The following SLC6A12 variants were observed in gnomAD, a reference collection of about 807,000 sequenced individuals.
SLC6A12 encodes solute carrier family 6 member 12.
Under a neutral mutation model 73.3 loss-of-function variants are expected in SLC6A12, and 50 were observed. The ratio of observed to expected loss-of-function variants is 0.68; its 90% CI spans 0.54 to 0.86. The LOEUF (loss-of-function observed/expected upper bound fraction) is 0.86, where lower values mean the gene tolerates loss of function less well. Ranked by LOEUF, SLC6A12 falls within the 40% of genes least tolerant of loss-of-function variation. The pLI is 0.00. For missense variants in SLC6A12, 648 were observed against 772.8 expected, an observed-to-expected ratio of 0.84 and a Z score of 1.92; for synonymous variants, 304 against 309.2, an observed-to-expected ratio of 0.98 and a Z score of 0.18.
chr12:208,501 T>C (rs1373301012), intron 3 of SLC6A12, among the ~76,000 whole-genome samples: 2 of 152,238 alleles, frequency 1.3e-5, no homozygotes, highest in African/African-American at 4.8e-5. Context: ...TCTACCTTCC[T>C]GAAATGTTTC....
At position 198,931 on chromosome 12, in the gene SLC6A12, C is replaced by T. The variant is rs1490602836; in HGVS notation, c.712G>A (p.Val238Met). ...GGAAACGTGGCTGTGAAATAAACCA[C>T]CTGGAGGTGGGGGGACAGGCCAAGG... ...IWKGVKSTGKVVYFTATFPYL... is the reference protein window; with the variant it reads ...IWKGVKSTGKMVYFTATFPYL... The change falls in exon 8 of 16, where the codon GTG (valine) becomes ATG (methionine). Residue 238 changes from valine to methionine, a missense_variant and splice_region_variant. Coordinates refer to ENST00000684302, the MANE Select transcript of SLC6A12 (RefSeq NM_001122848.3). This position sits in a 1 kb window ranked among gnomAD's most constrained non-coding sequence, Gnocchi z 4.0. The T allele has an allele frequency of 6.2e-7, 1 of 1,614,096 alleles. No individual in the cohort carries two copies.
downstream of SLC6A12, among the ~76,000 whole-genome samples, chr12:185,748 T>C (rs1195688739): frequency 1.3e-5 from 2 of 152,188 alleles, no homozygotes; most frequent in African/African-American, 4.8e-5. Context: ...CATCTGCCCC[T>C]GCTGTGGCCA....
downstream of SLC6A12, among the ~76,000 whole-genome samples, chr12:187,392 G>A (rs550512799): frequency 1.1e-4 from 16 of 151,922 alleles, no homozygotes; most frequent in East Asian, 7.7e-4. Flanking sequence ...CACCAGCTCC[G>A]GAGTGAAACT....
rs1294465841 is a variant in SLC6A12 at position 198,594 on chromosome 12, G to GA, written c.846+202dup. On this transcript the variant is annotated intron_variant, in intron 8 of 15. Coordinates refer to ENST00000684302, the MANE Select transcript of SLC6A12 (RefSeq NM_001122848.3). This position sits in a 1 kb window ranked among gnomAD's most constrained non-coding sequence, Gnocchi z 4.0. The stretch of plus-strand genomic sequence containing the variant: ...AAGTAAGAGAAAAAAAATTTTTTAA[G>GA]AAAAAAAGTTATATTTGAGTGGTGG... 1 of 536,326 alleles carries GA rather than the reference G, an allele frequency of 1.9e-6. No individual in the cohort carries two copies. Among genetic ancestry groups the GA allele is most frequent in the Non-Finnish European group, 3.1e-6 (1 of 318,640 alleles). 33.2% of individuals were successfully genotyped at this position (536,326 alleles called of 1,614,324 possible).
chr12:204,766 C>T (rs112688140), intron 3 of SLC6A12, 68 bp from the exon 4 acceptor site: 3 of 1,569,668 alleles, frequency 1.9e-6, no homozygotes, highest in Non-Finnish European at 1.7e-6. Flanking sequence ...CCTTTCAGAC[C>T]CTCCTCCCCC....
At position 201,839 on chromosome 12, in the gene SLC6A12, C is replaced by T. The variant is rs147159560; in HGVS notation, c.501G>A (p.Thr167=). ...CNNFWNTEHC[T]DFLNHSGAGT... is the part of the protein sequence containing the mutation. ...CGGCTCCTGAGTGGTTCAGAAAGTC[C>T]GTGCAATGCTCTGTTGGGGACAAGG... Residue 167 remains threonine (T), a synonymous_variant, in exon 6 of 16, where the codon ACG becomes ACA. Coordinates refer to ENST00000684302, the MANE Select transcript of SLC6A12 (RefSeq NM_001122848.3). 7.6e-5 allele frequency: 122 copies of T among 1,613,714 alleles called. No individual in the cohort carries two copies. Among genetic ancestry groups the T allele is most frequent in the Non-Finnish European group, 9.6e-5 (113 of 1,179,788 alleles).
intron 15 of SLC6A12, among the ~76,000 whole-genome samples, chr12:191,804 G>A (rs555036596): frequency 2.0e-5 from 3 of 152,304 alleles, no homozygotes; most frequent in South Asian, 2.1e-4. Flanking sequence ...GGATGGAAGT[G>A]TAGAAATGCA....
chr12:187,589 C>CAAAAGAGCAAAAGAGCAAA (rs1939453849), downstream of SLC6A12, among the ~76,000 whole-genome samples: 1 of 106,074 alleles, frequency 9.4e-6, no homozygotes, highest in African/African-American at 5.3e-5. Context: ...TGCAAAAGAG[C>CAAAAGAGCAAAAGAGCAAA]AAAAAAAAAA....
Position 201,781 on chromosome 12 carries a change from G to A in SLC6A12, c.559C>T (p.Pro187Ser). 2 of 1,613,934 alleles carry A rather than the reference G, an allele frequency of 1.2e-6. No homozygotes were observed. Among genetic ancestry groups the A allele is most frequent in the Admixed American group, 3.3e-5 (2 of 60,020 alleles). ...ACCTACTCCCAGAATTCCATGACAG[G>A]TGAGGTAAAATTCTCAAATGGGGTC... ...TVTPFENFTSPVMEFWERRVL... is the reference protein window; with the variant it reads ...TVTPFENFTSSVMEFWERRVL... The change falls in exon 6 of 16, where the codon CCT becomes TCT. Residue 187 changes from proline to serine, a missense_variant. By Grantham distance (74) the Pro-to-Ser change is moderately conservative (BLOSUM62 -1). Coordinates refer to ENST00000684302, the MANE Select transcript of SLC6A12 (RefSeq NM_001122848.3).
chr12:196,165 C>T lies in SLC6A12; in HGVS notation c.1285G>A (p.Ala429Thr), dbSNP rs775785715. 51 of 1,573,664 alleles carry T rather than the reference C, an allele frequency of 3.2e-5. No homozygotes were observed. The highest frequency in any genetic ancestry group is 3.5e-4 in the Middle Eastern group (2 of 5,732). Reference protein sequence around the residue: ...GRRELLILTIAVMCYLIGLFL... With the variant: ...GRRELLILTITVMCYLIGLFL... The stretch of plus-strand genomic sequence containing the variant: ...AGCCCTATCAGGTAGCACATGACGG[C>T]GATGGTGAGGATGAGGAGCTCGCGC... The change falls in exon 12 of 16, where the codon GCC becomes ACC. Residue 429 changes from alanine (A) to threonine (T), a missense_variant. Transcript: ENST00000684302.
chr12:208,420 G>A (rs1940756494), intron 3 of SLC6A12, among the ~76,000 whole-genome samples: 1 of 152,074 alleles, frequency 6.6e-6, no homozygotes, highest in Admixed American at 6.5e-5. Flanking sequence ...CGTAAATATT[G>A]GTCAGATTTA....
At chr12:195,367 A>G in intron 12 of SLC6A12, 40 bp from the exon 13 acceptor site, 1 of 1,304,216 alleles carries the variant, frequency 7.7e-7, no homozygotes, top group Non-Finnish European at 1.1e-6. Context: ...GCCAGTGCAG[A>G]GCTGGGACAC....
chr12:197,124 T>TCTAC (rs1591785724), intron 10 of SLC6A12, among the ~76,000 whole-genome samples: 1 of 90,080 alleles, frequency 1.1e-5, no homozygotes, highest in Non-Finnish European at 2.4e-5. Context: ...CATCCATCCA[T>TCTAC]CCATCCATCC....
intron 7 of SLC6A12, 142 bp from the exon 8 acceptor site, chr12:199,073 C>T: frequency 1.4e-6 from 1 of 707,130 alleles, no homozygotes; most frequent in Non-Finnish European, 2.4e-6. Context: ...AAGAAAGTTT[C>T]CACACCTCCC....
intron 7 of SLC6A12, among the ~76,000 whole-genome samples, 173 bp downstream of exon 7, chr12:200,478 G>A (rs1940195462): frequency 6.6e-6 from 1 of 152,198 alleles, no homozygotes; most frequent in Admixed American, 6.5e-5. Flanking sequence ...CTTGCATCGA[G>A]CTAAGCTCCG....
At chr12:205,914 A>G (rs975840791) in intron 3 of SLC6A12, among the ~76,000 whole-genome samples, 5 of 152,204 alleles carry the variant, frequency 3.3e-5, no homozygotes, top group Non-Finnish European at 4.4e-5. Context: ...TCAGTATGTT[A>G]TCATTGGACT....
chr12:204,921 C>A, intron 3 of SLC6A12: 2 of 498,916 alleles, frequency 4.0e-6, no homozygotes, highest in Non-Finnish European at 7.1e-6. Context: ...TGAGAAAGGC[C>A]TTGGAAGGGA....
In SLC6A12 at chr12:190,502, G is replaced by A. The variant is rs542489966; in HGVS notation, c.*566C>T. The A allele has an allele frequency of 6.6e-6, 1 of 152,328 alleles. No individual in the cohort carries two copies. The highest frequency in any genetic ancestry group is 2.4e-5 in the African/African-American group (1 of 41,548). The allele number at this position is 152,328 out of a possible 1,614,324, so 9.4% of individuals were successfully genotyped here. ...ACAGTGCGGAACTAGGGCAGGAGCT[G>A]GAGATGCCATGAGAGACTCGGAGGA... On this transcript the variant is annotated 3_prime_UTR_variant, in exon 16 of 16. Coordinates refer to ENST00000684302, the MANE Select transcript of SLC6A12 (RefSeq NM_001122848.3).
intron 14 of SLC6A12, 130 bp from the exon 15 acceptor site, chr12:192,778 G>T: frequency 2.4e-6 from 2 of 826,528 alleles, no homozygotes; most frequent in Non-Finnish European, 3.9e-6. Context: ...AAGAGTAAAA[G>T]CCCCTGCAAA....
Sources: gnomAD v4.1 joint callset for allele counts (sites outside exome capture counted in the v4.1 genomes callset) on GRCh38, gnomAD v4.1.1 for gene constraint, Gnocchi (gnomAD v3.1) non-coding constraint, MANE v1.5 for transcripts, NCBI Gene and HGNC (gene_info 2026-07-23, HGNC 2026-07-21) for gene names.